WRN: variants seen among roughly 807,000 people sequenced by gnomAD.
WRN encodes WRN RecQ like helicase.
In WRN, 149 loss-of-function variants were observed where a neutral mutation model predicts 180.7. The observed-to-expected ratio is 0.82, with a 90% CI of 0.72 to 0.94. WRN has a LOEUF of 0.94. Among genes scored for constraint, WRN ranks in the 40% least tolerant of loss-of-function variants. The pLI, the probability that WRN is intolerant of heterozygous loss-of-function variation, is 0.00. For synonymous variants in WRN, 548 were observed against 568.9 expected, an observed-to-expected ratio of 0.96 and a Z score of 0.52; for missense variants, 1,661 against 1,700.1, an observed-to-expected ratio of 0.98 and a Z score of 0.40.
rs1217382976 is a variant in WRN at position 31,138,551 on chromosome 8, T to G, written c.2968-2879T>G. Among the ~76,000 whole-genome samples the G allele has an allele frequency of 2.6e-5, 4 of 152,204 alleles. No individual in the cohort carries two copies. The East Asian group carries it at 7.7e-4, about 29-fold the overall frequency. On this transcript the variant is annotated intron_variant, in intron 24 of 34. Transcript: ENST00000298139. ...TGTACATTCGATCTCTAGACTTGTTTATGCTACATATGTTTGACTTTTAAA... is the reference window on the plus strand; with the variant it reads ...TGTACATTCGATCTCTAGACTTGTTGATGCTACATATGTTTGACTTTTAAA...
chr8:31,094,174 A>G (rs1813865685), intron 16 of WRN, among the ~76,000 whole-genome samples: 1 of 152,144 alleles, frequency 6.6e-6, no homozygotes, highest in Non-Finnish European at 1.5e-5. Context: ...TCTAATTGAG[A>G]TAAAATTCAC....
At chr8:31,139,701 C>G (rs1262066494) in intron 24 of WRN, among the ~76,000 whole-genome samples, 1 of 152,184 alleles carries the variant, frequency 6.6e-6, no homozygotes, top group African/African-American at 2.4e-5. Flanking sequence ...ATGCTGGGTT[C>G]TTTGCTAATA....
intron 8 of WRN, among the ~76,000 whole-genome samples, chr8:31,078,322 A>G (rs1031411347): frequency 5.3e-5 from 8 of 152,190 alleles, no homozygotes; most frequent in Admixed American, 5.2e-4. Context: ...TAATGTATCT[A>G]GATGACACCT....
chr8:31,049,022 C>T lies in WRN; in HGVS notation c.-76-9350C>T, dbSNP rs1222996383. 6.6e-5 allele frequency among the ~76,000 whole-genome samples: 10 copies of T among 151,304 alleles called. No homozygotes were observed. In the East Asian group the frequency reaches 1.2e-3, roughly 18 times the overall value. ...AAGAGAAAGAACATCCTGGCTAACA[C>T]GGTGAAACCCTGTCTCTACTAAAAA... On this transcript the variant is annotated intron_variant, in intron 1 of 34. Coordinates refer to ENST00000298139, the MANE Select transcript of WRN (RefSeq NM_000553.6).
intron 26 of WRN, among the ~76,000 whole-genome samples, chr8:31,142,128 A>T (rs1163852592): frequency 6.6e-6 from 1 of 151,974 alleles, no homozygotes; most frequent in East Asian, 1.9e-4. Context: ...AATTTTTTGT[A>T]TAGAGACAGG....
At chr8:31,080,463 T>TA (rs397706745) in intron 8 of WRN, among the ~76,000 whole-genome samples, 6 of 151,478 alleles carry the variant, frequency 4.0e-5, no homozygotes, top group African/African-American at 1.2e-4. Flanking sequence ...TTTTTTTTTT[T>TA]AACAAAAAAC....
chr8:31,088,027 T>C, intron 12 of WRN, 107 bp downstream of exon 12: 1 of 1,532,178 alleles, frequency 6.5e-7, no homozygotes, highest in Non-Finnish European at 8.8e-7. Context: ...TTGTGGCATA[T>C]AGTTAATTAT....
chr8:31,048,012 A>G (rs1811933942), intron 1 of WRN, among the ~76,000 whole-genome samples: 1 of 152,156 alleles, frequency 6.6e-6, no homozygotes, highest in Non-Finnish European at 1.5e-5. Context: ...AATTAATGGC[A>G]TTTTATTGTG....
intron 1 of WRN, among the ~76,000 whole-genome samples, chr8:31,054,403 G>T (rs201039510): frequency 2.2e-5 from 3 of 137,430 alleles, no homozygotes; most frequent in East Asian, 2.2e-4. Context: ...ATTTTTTTTT[G>T]GTAAGAGATG....
intron 23 of WRN, among the ~76,000 whole-genome samples, chr8:31,129,627 TAAAAA>T (rs1418274697): frequency 6.6e-6 from 1 of 152,114 alleles, no homozygotes; most frequent in Admixed American, 6.5e-5. Flanking sequence ...AACTGGAAAT[TAAAAA>T]AAATTTTAAA....
intron 5 of WRN, among the ~76,000 whole-genome samples, chr8:31,066,680 C>T (rs367910211): frequency 1.2e-3 from 185 of 152,026 alleles, no homozygotes; most frequent in African/African-American, 4.1e-3. Context: ...TCAATTCCAT[C>T]ACCTGTATTT....
rs765687541 is a variant in WRN at position 31,064,382 on chromosome 8, G to A, written c.303G>A (p.Gln101=). ...AACTTGGCAAAGTTGCACTAATTCAGTTGTGTGTTTCTGAGAGCAAATGTT... is the reference window on the plus strand; with the variant it reads ...AACTTGGCAAAGTTGCACTAATTCAATTGTGTGTTTCTGAGAGCAAATGTT... ...RGKLGKVALI[Q]LCVSESKCYL... is the part of the protein sequence containing the mutation. The change falls in exon 4 of 35, where the codon CAG becomes CAA. Residue 101 remains glutamine (Q), a synonymous_variant. Transcript: ENST00000298139. The A allele has an allele frequency of 1.2e-6, 2 of 1,614,118 alleles. No homozygotes were observed. Among genetic ancestry groups the A allele is most frequent in the Admixed American group, 1.7e-5 (1 of 60,018 alleles).
intron 29 of WRN, 27 bp downstream of exon 29, chr8:31,147,155 G>A (rs770089208): frequency 2.9e-5 from 46 of 1,600,726 alleles, no homozygotes; most frequent in Non-Finnish European, 3.7e-5. Flanking sequence ...AAGGTAATTA[G>A]TTTATGATAG....
intron 1 of WRN, among the ~76,000 whole-genome samples, chr8:31,046,361 TC>T (rs1376974254): frequency 2.0e-5 from 3 of 152,326 alleles, no homozygotes; most frequent in African/African-American, 7.2e-5. Flanking sequence ...GCAATCAGAC[TC>T]TTTTAAAGGT....
At chr8:31,098,499 T>G (rs1814083084) in intron 17 of WRN, among the ~76,000 whole-genome samples, 1 of 152,232 alleles carries the variant, frequency 6.6e-6, no homozygotes, top group South Asian at 2.1e-4. Flanking sequence ...ACTTTGCTTA[T>G]GATGGATGAA....
intron 3 of WRN, among the ~76,000 whole-genome samples, chr8:31,060,544 GACAAACAA>G (rs778533447): frequency 7.2e-5 from 11 of 152,128 alleles, no homozygotes; most frequent in Non-Finnish European, 1.6e-4. Context: ...GTCTCAAACA[GACAAACAA>G]ACAAACAAAA....
In WRN at chr8:31,157,247, G is replaced by T. The variant is rs1329028516; in HGVS notation, c.3820-121G>T. 7.2e-6 allele frequency: 10 copies of T among 1,395,154 alleles called. No individual in the cohort carries two copies. In the Admixed American group the frequency reaches 1.7e-4, roughly 24 times the overall value. 86.4% of individuals were successfully genotyped at this position (1,395,154 alleles called of 1,614,324 possible). The stretch of plus-strand genomic sequence containing the variant: ...CTGAAAATGAAAAACTTAAGTAAAG[G>T]TTTAGTTCATTGTTTATTTCACACT... On this transcript the variant is annotated intron_variant, in intron 32 of 34. Coordinates refer to ENST00000298139, the MANE Select transcript of WRN (RefSeq NM_000553.6).
intron 23 of WRN, among the ~76,000 whole-genome samples, chr8:31,130,101 A>G (rs1185253922): frequency 1.3e-5 from 2 of 151,652 alleles, no homozygotes; most frequent in African/African-American, 4.8e-5. Context: ...AGGAGAGAGG[A>G]TCAGTTGAGG....
intron 3 of WRN, 131 bp from the exon 4 acceptor site, chr8:31,064,158 T>C: frequency 1.1e-6 from 1 of 921,786 alleles, no homozygotes; most frequent in Admixed American, 2.8e-5. Context: ...TGGCTGTTCA[T>C]TGTCAGTTGT....
Sources: gnomAD v4.1 joint callset for allele counts (sites outside exome capture counted in the v4.1 genomes callset) on GRCh38, gnomAD v4.1.1 for gene constraint, MANE v1.5 for transcripts, NCBI Gene and HGNC (gene_info 2026-07-23, HGNC 2026-07-21) for gene names.